The following ADGRB1 variants were observed in gnomAD, a reference collection of about 807,000 sequenced individuals.
ADGRB1 encodes the protein adhesion G protein-coupled receptor B1.
ADGRB1 carries 36 observed loss-of-function variants against 175.7 expected under a neutral mutation model. That is an observed-to-expected ratio of 0.20 (90% confidence interval 0.16 to 0.27). The LOEUF is 0.27. Ranked by LOEUF, ADGRB1 falls within the 10% of genes least tolerant of loss-of-function variation. ADGRB1 has a pLI of 1.00. For synonymous variants in ADGRB1, 1,054 were observed against 979.4 expected (o/e 1.08, Z -1.42); for missense variants, 1,731 against 2,255.3 (o/e 0.77, Z 4.71).
chr8:142,459,845 T>C (rs1839878359), intron 1 of ADGRB1, among the ~76,000 whole-genome samples: 1 of 152,324 alleles, frequency 6.6e-6, no homozygotes. Flanking sequence ...CCTGTCCACA[T>C]TGACCTTCCT....
rs1841048314 is a variant in ADGRB1 at position 142,477,542 on chromosome 8, G to T, written c.1380G>T (p.Leu460=). 6.2e-7 allele frequency: 1 copy of T among 1,611,988 alleles called. No homozygotes were observed. The highest frequency in any genetic ancestry group is 1.7e-5 in the Admixed American group (1 of 59,954). ...AAACCAAGTTCTGCAACATTGCCCTGTGCCCTGGTAGGTGAGAGGGAGGGC... is the reference window on the plus strand; with the variant it reads ...AAACCAAGTTCTGCAACATTGCCCTTTGCCCTGGTAGGTGAGAGGGAGGGC... ...EKQTKFCNIA[L]CPGRAVDGNW... is the part of the protein sequence containing the mutation. The change falls in exon 6 of 31, where the codon CTG becomes CTT. Residue 460 remains leucine (L), a synonymous_variant. Coordinates refer to ENST00000517894, the MANE Select transcript of ADGRB1 (RefSeq NM_001702.3).
intron 1 of ADGRB1, among the ~76,000 whole-genome samples, chr8:142,456,767 G>T (rs551238001): frequency 9.2e-5 from 14 of 152,356 alleles, no homozygotes; most frequent in Admixed American, 5.2e-4. Context: ...GCCCGCCGTG[G>T]TGGGGTGGAG....
At chr8:142,519,702 G>A (rs1563734800) in intron 19 of ADGRB1, among the ~76,000 whole-genome samples, 2 of 89,158 alleles carry the variant, frequency 2.2e-5, no homozygotes, top group Non-Finnish European at 6.7e-5. Flanking sequence ...GGTTGTGATG[G>A]TGTTGGTGGT....
chr8:142,530,028 G>A (rs1033071998), intron 24 of ADGRB1, among the ~76,000 whole-genome samples: 13 of 152,006 alleles, frequency 8.6e-5, no homozygotes, highest in Non-Finnish European at 1.6e-4. Context: ...GTGTGAGCGT[G>A]CATCTCTGTG....
At chr8:142,495,248 G>C (rs932427452) in intron 17 of ADGRB1, among the ~76,000 whole-genome samples, 2 of 151,052 alleles carry the variant, frequency 1.3e-5, no homozygotes, top group Non-Finnish European at 2.9e-5. Context: ...GGAGGCAGCG[G>C]AAGAACAGTC....
At chr8:142,501,689 A>ATGACAG in intron 17 of ADGRB1, among the ~76,000 whole-genome samples, 1 of 76,240 alleles carries the variant, frequency 1.3e-5, no homozygotes, top group African/African-American at 4.3e-5. Context: ...GGTTTTGACG[A>ATGACAG]TGGAGGTGGG....
chr8:142,507,511 C>T (rs371360742), intron 17 of ADGRB1, among the ~76,000 whole-genome samples: 133 of 152,334 alleles, frequency 8.7e-4, no homozygotes, highest in African/African-American at 3.0e-3. Context: ...GGCAGCAGCC[C>T]GTCTCTCTCC....
At position 142,490,070 on chromosome 8, in the gene ADGRB1, G is replaced by A. The variant is rs1468188217; in HGVS notation, c.2631+632G>A. Among the ~76,000 whole-genome samples the A allele has an allele frequency of 5.9e-5, 9 of 152,182 alleles. No homozygotes were observed. In the East Asian group the frequency reaches 1.7e-3, roughly 29 times the overall value. ...CACGTTGCCTGGGTTACCGCACCAGGACTGGGCAGTGCCAGGCCTCCAGCC... is the reference window on the plus strand; with the variant it reads ...CACGTTGCCTGGGTTACCGCACCAGAACTGGGCAGTGCCAGGCCTCCAGCC... On this transcript the variant is annotated intron_variant, in intron 16 of 30. Coordinates refer to ENST00000517894, the MANE Select transcript of ADGRB1 (RefSeq NM_001702.3).
intron 1 of ADGRB1, among the ~76,000 whole-genome samples, chr8:142,461,124 C>T (rs566722712): frequency 5.3e-4 from 80 of 152,332 alleles, no homozygotes; most frequent in African/African-American, 1.6e-3. Flanking sequence ...GGTAGGCCCT[C>T]GTCCACCTGC....
At chr8:142,509,793 C>CT (rs1216515564) in intron 17 of ADGRB1, among the ~76,000 whole-genome samples, 4 of 152,212 alleles carry the variant, frequency 2.6e-5, no homozygotes, top group African/African-American at 9.7e-5. Context: ...GCTGGGGCTC[C>CT]TGCAGCTGCA....
intron 2 of ADGRB1, among the ~76,000 whole-genome samples, chr8:142,466,212 G>A (rs1840268560): frequency 6.6e-6 from 1 of 152,168 alleles, no homozygotes; most frequent in South Asian, 2.1e-4. Context: ...CAAGGCTGGA[G>A]GGCCATCTTG....
At chr8:142,485,863 T>TC (rs1841642082) in intron 13 of ADGRB1, among the ~76,000 whole-genome samples, 1 of 152,108 alleles carries the variant, frequency 6.6e-6, no homozygotes, top group South Asian at 2.1e-4. Context: ...GGCCGGAAAG[T>TC]CCAAGATCAC....
intron 6 of ADGRB1, among the ~76,000 whole-genome samples, chr8:142,477,870 G>T (rs1841068890): frequency 6.6e-6 from 1 of 151,898 alleles, no homozygotes; most frequent in South Asian, 2.1e-4. Context: ...TCCCAGGCTG[G>T]GTGTGGGGTG....
In ADGRB1 at chr8:142,518,244, G is replaced by A; in HGVS notation, c.2921+3G>A. ...ATCATCTACGTGTCCGTGTGGAGGT[G>A]GGTGCCGCCCAGGTGCTGGGCATGC... On this transcript the variant is annotated splice_donor_region_variant and intron_variant, in intron 19 of 30. Coordinates refer to ENST00000517894, the MANE Select transcript of ADGRB1 (RefSeq NM_001702.3). 1 of 1,613,290 alleles carries A rather than the reference G, an allele frequency of 6.2e-7. No individual in the cohort carries two copies. Among genetic ancestry groups the A allele is most frequent in the Non-Finnish European group, 8.5e-7 (1 of 1,179,602 alleles).
At chr8:142,502,076 G>C (rs1563718447) in intron 17 of ADGRB1, among the ~76,000 whole-genome samples, 1 of 135,572 alleles carries the variant, frequency 7.4e-6, no homozygotes, top group Non-Finnish European at 1.6e-5. Flanking sequence ...TGATGATGGG[G>C]TTGTGGTAGT....
At chr8:142,502,447 A>G (rs62513278) in intron 17 of ADGRB1, among the ~76,000 whole-genome samples, 2 of 60,100 alleles carry the variant, frequency 3.3e-5, no homozygotes, top group African/African-American at 6.9e-5. Flanking sequence ...AGTGGTGGTG[A>G]TGATGGGGTG....
rs1195636025 is a variant in ADGRB1 at position 142,458,859 on chromosome 8, A to AC, written c.-219-5120dup. ...TTGGGAAGCTGAGGGGCAGTGGGTA[A>AC]CGGGAGCTGCTGTTATCCAGGTCGA... On this transcript the variant is annotated intron_variant, in intron 1 of 30. Coordinates refer to ENST00000517894, the MANE Select transcript of ADGRB1 (RefSeq NM_001702.3). Among the ~76,000 whole-genome samples the AC allele has an allele frequency of 3.9e-5, 6 of 152,358 alleles. No individual in the cohort carries two copies. In the East Asian group the frequency reaches 9.6e-4, roughly 24 times the overall value.
intron 2 of ADGRB1, among the ~76,000 whole-genome samples, chr8:142,471,928 C>T (rs868675536): frequency 6.6e-6 from 1 of 152,222 alleles, no homozygotes; most frequent in African/African-American, 2.4e-5. Flanking sequence ...CTGGGTGCCC[C>T]AGGACAAACC....
intron 1 of ADGRB1, among the ~76,000 whole-genome samples, chr8:142,463,412 G>C (rs1840073137): frequency 6.6e-6 from 1 of 152,244 alleles, no homozygotes; most frequent in African/African-American, 2.4e-5. Flanking sequence ...CTTTAGAAAG[G>C]GCTCGGGGGC....
Sources: allele counts gnomAD v4.1 joint callset (sites outside exome capture counted in the v4.1 genomes callset), GRCh38; gene constraint gnomAD v4.1.1; transcripts MANE v1.5; gene names NCBI Gene and HGNC (gene_info 2026-07-23, HGNC 2026-07-21).